ABCC9: variants seen among roughly 807,000 people sequenced by gnomAD.
The protein encoded by ABCC9 is ATP binding cassette subfamily C member 9.
In ABCC9, 95 loss-of-function variants were observed where a neutral mutation model predicts 188.3. The observed-to-expected ratio is 0.50, with a 90% CI of 0.43 to 0.60. The LOEUF (loss-of-function observed/expected upper bound fraction) is 0.60, where lower values mean the gene tolerates loss of function less well. Among genes scored for constraint, ABCC9 ranks in the 20% least tolerant of loss-of-function variants. The pLI, the probability that ABCC9 is intolerant of heterozygous loss-of-function variation, is 0.00. For missense variants in ABCC9, 1,102 were observed against 1,876.3 expected (o/e 0.59, Z 7.62); for synonymous variants, 659 against 652.7 (o/e 1.01, Z -0.15).
intron 18 of ABCC9, among the ~76,000 whole-genome samples, chr12:21,865,081 T>C (rs1031600885): frequency 6.6e-6 from 1 of 152,150 alleles, no homozygotes; most frequent in Admixed American, 6.6e-5. Flanking sequence ...GCCTGTATTA[T>C]GAGGAAAGAC....
chr12:21,817,296 A>G lies in ABCC9; in HGVS notation c.3783T>C (p.Tyr1261=). Residue 1261 remains tyrosine, a synonymous_variant, in exon 33 of 40, where the codon TAT becomes TAC. Coordinates refer to ENST00000261200, the MANE Select transcript of ABCC9 (RefSeq NM_020297.4). ...GLLYALTITN[Y]LNWVVRNLAD... ...CCAAGTTCCTCACAACCCAATTCAA[A>G]TAATTGGTTATCTGTGTCAGGTGAT... 5 of 1,613,624 alleles carry G rather than the reference A, an allele frequency of 3.1e-6. No homozygotes were observed. The highest frequency in any genetic ancestry group is 4.2e-6 in the Non-Finnish European group (5 of 1,179,722).
At chr12:21,905,855 T>G (rs1380495132) in intron 12 of ABCC9, among the ~76,000 whole-genome samples, 1 of 152,106 alleles carries the variant, frequency 6.6e-6, no homozygotes, top group African/African-American at 2.4e-5. Flanking sequence ...ACGATTTCAG[T>G]TTGTAGAGTA....
chr12:21,935,134 T>C (rs1046226976), intron 3 of ABCC9, among the ~76,000 whole-genome samples: 2 of 152,140 alleles, frequency 1.3e-5, no homozygotes, highest in African/African-American at 4.8e-5. Flanking sequence ...GCCTCTTTGC[T>C]GGATGCTAGG....
intron 35 of ABCC9, among the ~76,000 whole-genome samples, chr12:21,813,847 T>C (rs1181709934): frequency 6.6e-6 from 1 of 151,940 alleles, no homozygotes; most frequent in African/African-American, 2.4e-5. Flanking sequence ...AATTCAATAA[T>C]ATAAACTGTC....
intron 22 of ABCC9, among the ~76,000 whole-genome samples, chr12:21,858,331 T>C (rs937231126): frequency 1.3e-5 from 2 of 151,994 alleles, no homozygotes; most frequent in African/African-American, 2.4e-5. Context: ...CCTAGCACTT[T>C]GGGAGGTAGA....
At chr12:21,803,766 T>C (rs1941651413) in intron 39 of ABCC9, among the ~76,000 whole-genome samples, 1 of 152,212 alleles carries the variant, frequency 6.6e-6, no homozygotes, top group African/African-American at 2.4e-5. Context: ...GTGGTGTCAA[T>C]TGTAATTGTG....
intron 5 of ABCC9, chr12:21,924,582 G>C (rs1252730920): frequency 6.6e-6 from 1 of 151,944 alleles, no homozygotes; most frequent in Non-Finnish European, 1.5e-5. Flanking sequence ...TGATCAAATT[G>C]TGCTGTCTTG....
In ABCC9 at chr12:21,861,069, G is replaced by A. The variant is rs757221712; in HGVS notation, c.2340-14C>T. 6.2e-7 allele frequency: 1 copy of A among 1,606,712 alleles called. No individual in the cohort carries two copies. Among genetic ancestry groups the A allele is most frequent in the African/African-American group, 1.3e-5 (1 of 74,774 alleles). On this transcript the variant is annotated splice_polypyrimidine_tract_variant and intron_variant, in intron 20 of 39. Coordinates refer to ENST00000261200, the MANE Select transcript of ABCC9 (RefSeq NM_020297.4). ...ACAGCTTTGTACCTTTGGGAGAAAT[G>A]ATTTTGAATTTTTAGATCTCAATTA...
At chr12:21,935,833 A>G (rs1219743832) in intron 3 of ABCC9, among the ~76,000 whole-genome samples, 1 of 152,174 alleles carries the variant, frequency 6.6e-6, no homozygotes, top group East Asian at 1.9e-4. Context: ...ATTTTAAAAA[A>G]GTTAAAGGGT....
At chr12:21,908,337 G>A (rs1253218152) in intron 10 of ABCC9, 126 bp from the exon 11 acceptor site, 8 of 1,195,020 alleles carry the variant, frequency 6.7e-6, no homozygotes, top group East Asian at 2.6e-5. Flanking sequence ...GGAAGTCAAC[G>A]GTATTAGGGT....
intron 12 of ABCC9, among the ~76,000 whole-genome samples, chr12:21,896,645 T>C (rs1947445978): frequency 6.6e-6 from 1 of 152,130 alleles, no homozygotes; most frequent in Non-Finnish European, 1.5e-5. Context: ...CTCCCCCTTA[T>C]AGGTGAGAAC....
intron 17 of ABCC9, among the ~76,000 whole-genome samples, chr12:21,874,347 A>C (rs1290090898): frequency 2.0e-5 from 3 of 152,128 alleles, no homozygotes; most frequent in Admixed American, 6.5e-5. Context: ...ATAAAAAAAC[A>C]TGAAAGATAA....
intron 25 of ABCC9, among the ~76,000 whole-genome samples, chr12:21,847,902 T>A (rs376371828): frequency 1.9e-4 from 29 of 152,302 alleles, no homozygotes; most frequent in African/African-American, 7.0e-4. Context: ...CACTGCCATT[T>A]CCTTTCAAGT....
intron 22 of ABCC9, among the ~76,000 whole-genome samples, chr12:21,856,773 A>C (rs73254540): frequency 0.039 from 5,881 of 152,284 alleles, 404 homozygotes; most frequent in African/African-American, 0.13. Flanking sequence ...AAAGGATAAC[A>C]GGGAGTGAGT....
intron 36 of ABCC9, among the ~76,000 whole-genome samples, chr12:21,811,147 T>C (rs1310375427): frequency 6.6e-6 from 1 of 152,058 alleles, no homozygotes; most frequent in Non-Finnish European, 1.5e-5. Flanking sequence ...TTTTATGAGA[T>C]TCGATGGTTT....
chr12:21,922,292 A>G (rs10770870), intron 5 of ABCC9, among the ~76,000 whole-genome samples: 95,748 of 151,694 alleles, frequency 0.63, 30,538 homozygotes, highest in East Asian at 0.8. Flanking sequence ...TTCTTTGGTT[A>G]ATTCCTAGGT....
chr12:21,861,825 TA>T (rs1033404762), intron 20 of ABCC9, among the ~76,000 whole-genome samples: 3 of 152,204 alleles, frequency 2.0e-5, no homozygotes, highest in East Asian at 3.9e-4. Flanking sequence ...TCATTATGGC[TA>T]AAGCAGAGGT....
rs986830532 is a variant in ABCC9 at position 21,799,011 on chromosome 12, A to G, written c.*2033T>C. The G allele has an allele frequency of 6.9e-6, 1 of 144,242 alleles. No individual in the cohort carries two copies. The highest frequency in any genetic ancestry group is 7.2e-5 in the Admixed American group (1 of 13,888). The allele number at this position is 144,242 out of a possible 1,614,324, so 8.9% of individuals were successfully genotyped here. ...CTATCGCAAGAACAAAAAACCAAACACCGCATATTCTCACTCATAGGTGGG... is the reference window on the plus strand; with the variant it reads ...CTATCGCAAGAACAAAAAACCAAACGCCGCATATTCTCACTCATAGGTGGG... On this transcript the variant is annotated 3_prime_UTR_variant, in exon 40 of 40. Coordinates refer to ENST00000261200, the MANE Select transcript of ABCC9 (RefSeq NM_020297.4).
chr12:21,937,186 A>G (rs552750322), intron 2 of ABCC9, among the ~76,000 whole-genome samples: 21 of 152,296 alleles, frequency 1.4e-4, no homozygotes, highest in Non-Finnish European at 2.9e-4. Flanking sequence ...ATACTAATAT[A>G]CAGAAACAAG....
Sources: allele counts gnomAD v4.1 joint callset (sites outside exome capture counted in the v4.1 genomes callset), GRCh38; gene constraint gnomAD v4.1.1; transcripts MANE v1.5; gene names NCBI Gene and HGNC (gene_info 2026-07-23, HGNC 2026-07-21).